Variants in FREM2 observed in about 807,000 individuals in gnomAD.
FREM2 encodes FRAS1 related extracellular matrix 2, also known as FRAS1-related extracellular matrix protein 2.
Under a neutral mutation model 219.9 loss-of-function variants are expected in FREM2, and 119 were observed. The observed-to-expected ratio is 0.54, with a 90% CI of 0.47 to 0.63. The LOEUF (loss-of-function observed/expected upper bound fraction) is 0.63. FREM2 is among the 30% of genes least tolerant of loss of function. The pLI is 0.00. For missense variants in FREM2, 4,030 were observed against 3,993.6 expected, an observed-to-expected ratio of 1.01 and a Z score of -0.25; for synonymous variants, 1,562 against 1,522.8, an observed-to-expected ratio of 1.03 and a Z score of -0.60.
intron 14 of FREM2, among the ~76,000 whole-genome samples, chr13:38,860,149 A>T (rs2137921267): frequency 6.6e-6 from 1 of 152,286 alleles, no homozygotes; most frequent in East Asian, 1.9e-4. Flanking sequence ...TCAGATCTGA[A>T]CAGAGCTCAT....
rs550873887 is a variant in FREM2 at position 38,755,643 on chromosome 13, TACC to T, written c.5264-8658_5264-8656del. On this transcript the variant is annotated intron_variant, in intron 2 of 23. Transcript: ENST00000280481. ...TATTTTGCCTGACATCCATTTTCAT[TACC>T]ACAAGTTCTCTCTCCACAGGCTCCT... is the stretch of plus-strand genomic sequence containing the variant. 2.4e-4 allele frequency among the ~76,000 whole-genome samples: 36 copies of T among 152,258 alleles called. No homozygotes were observed. In the East Asian group the frequency reaches 6.2e-3, roughly 26 times the overall value.
chr13:38,824,504 A>G (rs1261939558), intron 6 of FREM2, among the ~76,000 whole-genome samples: 1 of 152,152 alleles, frequency 6.6e-6, no homozygotes, highest in East Asian at 1.9e-4. Context: ...TTATTACTCA[A>G]ATCAGTCTCA....
chr13:38,723,571 G>T (rs1871386140), intron 2 of FREM2, among the ~76,000 whole-genome samples: 1 of 152,084 alleles, frequency 6.6e-6, no homozygotes, highest in African/African-American at 2.4e-5. Flanking sequence ...TGACATAATT[G>T]TCTCTTCATT....
chr13:38,878,392 A>C, intron 22 of FREM2, 71 bp downstream of exon 22: 1 of 1,045,326 alleles, frequency 9.6e-7, no homozygotes, highest in Non-Finnish European at 1.4e-6. Context: ...TTATATTTAA[A>C]AACAAGGCTG....
intron 6 of FREM2, among the ~76,000 whole-genome samples, chr13:38,814,514 T>C (rs971114775): frequency 1.5e-4 from 23 of 152,160 alleles, no homozygotes; most frequent in Admixed American, 1.4e-3. Flanking sequence ...ATATAGCGTC[T>C]CTGTCTCTGT....
chr13:38,853,635 T>C (rs542485104), intron 11 of FREM2, among the ~76,000 whole-genome samples: 25 of 152,334 alleles, frequency 1.6e-4, no homozygotes, highest in African/African-American at 6.0e-4. Context: ...AAGGAGCTTG[T>C]ATATTCTTTC....
chr13:38,699,260 A>G (rs59255961), intron 2 of FREM2, among the ~76,000 whole-genome samples: 7,500 of 152,188 alleles, frequency 0.049, 601 homozygotes, highest in African/African-American at 0.17. Context: ...CAATGGCTGC[A>G]ATTACACTAA....
At chr13:38,869,803 A>C (rs1411004679) in intron 16 of FREM2, among the ~76,000 whole-genome samples, 1 of 152,236 alleles carries the variant, frequency 6.6e-6, no homozygotes, top group East Asian at 1.9e-4. Context: ...AAGTTAAATT[A>C]AGTTCTTAGA....
At chr13:38,735,996 C>T (rs1566122307) in intron 2 of FREM2, among the ~76,000 whole-genome samples, 1 of 152,162 alleles carries the variant, frequency 6.6e-6, no homozygotes, top group Non-Finnish European at 1.5e-5. Context: ...GAAGGAGGAG[C>T]ATAATCTTCC....
chr13:38,743,684 A>C (rs1304312447), intron 2 of FREM2, among the ~76,000 whole-genome samples: 2 of 152,206 alleles, frequency 1.3e-5, no homozygotes, highest in African/African-American at 4.8e-5. Context: ...CTCTGGAGTC[A>C]TCAAGCCTGT....
At chr13:38,875,934 T>C (rs1376385872) in intron 18 of FREM2, 88 bp from the exon 19 acceptor site, 3 of 1,212,502 alleles carry the variant, frequency 2.5e-6, no homozygotes, top group African/African-American at 3.0e-5. Context: ...AAATAATGTA[T>C]GATCATTTAT....
intron 2 of FREM2, among the ~76,000 whole-genome samples, chr13:38,704,359 T>C (rs1392390606): frequency 6.6e-6 from 1 of 152,200 alleles, no homozygotes; most frequent in Admixed American, 6.5e-5. Context: ...TAAAGTATTC[T>C]GACAGTTATA....
intron 3 of FREM2, among the ~76,000 whole-genome samples, chr13:38,768,739 A>C (rs1007570447): frequency 6.6e-6 from 1 of 152,190 alleles, no homozygotes; most frequent in African/African-American, 2.4e-5. Flanking sequence ...GCCGTTTTAT[A>C]ATTTTTCTAT....
At position 38,690,009 on chromosome 13, in the gene FREM2, C is replaced by G; in HGVS notation, c.2665C>G (p.Leu889Val). 6.2e-7 allele frequency: 1 copy of G among 1,614,042 alleles called. No individual in the cohort carries two copies. Among genetic ancestry groups the G allele is most frequent in the Non-Finnish European group, 8.5e-7 (1 of 1,180,032 alleles). Residue 889 changes from leucine (L) to valine (V), a missense_variant, in exon 1 of 24, where the codon CTC (leucine) becomes GTC (valine). This residue lies in a region of FREM2 where 3,102 missense variants were observed against 2,950.7 expected (regional missense o/e 1.05). Transcript: ENST00000280481. ...TGGACAGATCCTGCATGTAGGGGGTCTCTTCCACTTGGAGGACATAAAACA... is the reference window on the plus strand; with the variant it reads ...TGGACAGATCCTGCATGTAGGGGGTGTCTTCCACTTGGAGGACATAAAACA... ...VSGQILHVGG[L>V]FHLEDIKQGR... is the part of the protein sequence containing the mutation.
chr13:38,858,706 T>A (rs1877649927), intron 13 of FREM2, among the ~76,000 whole-genome samples: 1 of 152,202 alleles, frequency 6.6e-6, no homozygotes, highest in Non-Finnish European at 1.5e-5. Context: ...AGAGATAATT[T>A]GGCGTCAAAG....
chr13:38,772,782 C>T lies in FREM2; in HGVS notation c.5641+2974C>T, dbSNP rs939014082. ...CGCCATCTTGGCTCACTGCAACCTT[C>T]GCCTCCTGGGTTCAAGCAATTCTCC... On this transcript the variant is annotated intron_variant, in intron 4 of 23. Coordinates refer to ENST00000280481, the MANE Select transcript of FREM2 (RefSeq NM_207361.6). Among the ~76,000 whole-genome samples the T allele has an allele frequency of 3.3e-5, 5 of 151,638 alleles. No homozygotes were observed. The East Asian group carries it at 7.7e-4, about 24-fold the overall frequency.
At chr13:38,712,705 G>C (rs915886348) in intron 2 of FREM2, among the ~76,000 whole-genome samples, 1 of 150,056 alleles carries the variant, frequency 6.7e-6, no homozygotes, top group East Asian at 2.0e-4. Flanking sequence ...TACACACACA[G>C]ACTTTTCCTG....
intron 2 of FREM2, among the ~76,000 whole-genome samples, chr13:38,755,569 C>G (rs1310681631): frequency 1.3e-5 from 2 of 152,226 alleles, no homozygotes; most frequent in Middle Eastern, 3.4e-3. Context: ...ACTTACACTA[C>G]ACTTTGAATC....
Position 38,689,959 on chromosome 13 carries a change from C to G in FREM2, c.2615C>G (p.Pro872Arg). The G allele has an allele frequency of 6.2e-7, 1 of 1,614,122 alleles. No homozygotes were observed. The highest frequency in any genetic ancestry group is 8.5e-7 in the Non-Finnish European group (1 of 1,180,018). The change falls in exon 1 of 24, where the codon CCC (proline) becomes CGC (arginine). Residue 872 changes from proline to arginine, a missense_variant. Transcript: ENST00000280481. ...AHISFTLTQA[P>R]KHGHMRVSGQ... ...ATCTCTTTCACTCTCACTCAGGCACCCAAACATGGCCACATGAGAGTGTCT... is the reference window on the plus strand; with the variant it reads ...ATCTCTTTCACTCTCACTCAGGCACGCAAACATGGCCACATGAGAGTGTCT...
Sources: gnomAD v4.1 joint callset for allele counts (sites outside exome capture counted in the v4.1 genomes callset) on GRCh38, gnomAD v4.1.1 for gene constraint, gnomAD v4.1.1 regional missense constraint, MANE v1.5 for transcripts, NCBI Gene and HGNC (gene_info 2026-07-23, HGNC 2026-07-21) for gene names.